FUBP3: variants seen among roughly 807,000 people sequenced by gnomAD.
FUBP3 encodes far upstream element binding protein 3.
In FUBP3, 28 loss-of-function variants were observed where a neutral mutation model predicts 85.6. That is an observed-to-expected ratio of 0.33 (90% CI 0.24 to 0.45). The LOEUF (loss-of-function observed/expected upper bound fraction) is 0.45, where lower values mean the gene tolerates loss of function less well. Among genes scored for constraint, FUBP3 ranks in the 20% least tolerant of loss-of-function variants. FUBP3 has a pLI of 1.00. For synonymous variants in FUBP3, 271 were observed against 271.4 expected, an observed-to-expected ratio of 1.00 and a Z score of 0.01; for missense variants, 583 against 755.1, an observed-to-expected ratio of 0.77 and a Z score of 2.67.
chr9:130,603,085 G>T (rs1398023224), intron 2 of FUBP3, among the ~76,000 whole-genome samples: 1 of 152,106 alleles, frequency 6.6e-6, no homozygotes, highest in Non-Finnish European at 1.5e-5. Flanking sequence ...GGTAGCTCAC[G>T]CCTGTAATCC....
chr9:130,589,695 ATATATATATATTTTTTTTTTT>A (rs1564190925), intron 1 of FUBP3, among the ~76,000 whole-genome samples: 2 of 29,952 alleles, frequency 6.7e-5, no homozygotes, highest in Non-Finnish European at 1.2e-4. Flanking sequence ...ATATATATAT[ATATATATATATTTTTTTTTTT>A]TTTTTTTTTT....
chr9:130,582,346 G>A (rs546465997), intron 1 of FUBP3, among the ~76,000 whole-genome samples: 25 of 152,146 alleles, frequency 1.6e-4, no homozygotes, highest in African/African-American at 4.8e-4. Context: ...CAGCTGTTTG[G>A]GAGGCTGAAG....
chr9:130,612,889 C>T lies in FUBP3; in HGVS notation c.275-67C>T, dbSNP rs1300902229. The T allele has an allele frequency of 4.7e-6, 5 of 1,054,004 alleles. No homozygotes were observed. The highest frequency in any genetic ancestry group is 7.4e-6 in the Non-Finnish European group (5 of 676,348). 65.3% of individuals were successfully genotyped at this position (1,054,004 alleles called of 1,614,324 possible). On this transcript the variant is annotated intron_variant, in intron 4 of 18. Coordinates refer to ENST00000319725, the MANE Select transcript of FUBP3 (RefSeq NM_003934.2). This position sits in a 1 kb window ranked among gnomAD's most constrained non-coding sequence, Gnocchi z 4.1. Reference sequence around the variant, plus strand: ...AGTGTCACAGTTTGTGGAATTAATTCAGTCATTCCTGCGTGGTGAAATATG... The same window carrying T: ...AGTGTCACAGTTTGTGGAATTAATTTAGTCATTCCTGCGTGGTGAAATATG...
chr9:130,595,564 C>A lies in FUBP3; in HGVS notation c.166C>A (p.Gln56Lys). ...VDPSVYGYGV[Q>K]KRPLDDGVGN... Reference sequence around the variant, plus strand: ...CCCCTCAGTATATGGATACGGAGTACAAAAACGGCCCTTGGATGATGGAGG... The same window carrying A: ...CCCCTCAGTATATGGATACGGAGTAAAAAAACGGCCCTTGGATGATGGAGG... Residue 56 changes from glutamine to lysine, a missense_variant, in exon 2 of 19, where the codon CAA becomes AAA. Physicochemically the swap from Gln to Lys is moderately conservative, Grantham distance 53. Around this residue, in one of 3 missense-constraint regions of FUBP3, gnomAD observed 177 missense variants for 221.9 expected, o/e 0.80. Transcript: ENST00000319725. 6.5e-7 allele frequency: 1 copy of A among 1,537,954 alleles called. No homozygotes were observed. The highest frequency in any genetic ancestry group is 9.0e-7 in the Non-Finnish European group (1 of 1,112,410).
At chr9:130,619,963 T>C (rs1309188001) in intron 8 of FUBP3, among the ~76,000 whole-genome samples, 1 of 152,222 alleles carries the variant, frequency 6.6e-6, no homozygotes, top group African/African-American at 2.4e-5. Flanking sequence ...TGGGCGCTCT[T>C]AGACACCCCT....
chr9:130,619,296 A>G (rs908969080), intron 8 of FUBP3, among the ~76,000 whole-genome samples: 6 of 146,378 alleles, frequency 4.1e-5, no homozygotes, highest in East Asian at 4.0e-4. Context: ...TTAAAACTGT[A>G]TATTTCATTT....
At chr9:130,631,666 C>T (rs1261925649) in intron 14 of FUBP3, 36 bp downstream of exon 14, 1 of 1,495,252 alleles carries the variant, frequency 6.7e-7, no homozygotes, top group Non-Finnish European at 9.3e-7. Context: ...TGGGAGAATT[C>T]ACTCGCTCCC....
intron 2 of FUBP3, among the ~76,000 whole-genome samples, chr9:130,606,596 G>A (rs951185205): frequency 9.9e-5 from 15 of 152,280 alleles, no homozygotes; most frequent in South Asian, 2.1e-4. Context: ...TAAAGTGGGC[G>A]GATCACCTGA....
intron 13 of FUBP3, chr9:130,631,016 G>A (rs963306667): frequency 4.8e-5 from 31 of 641,372 alleles, no homozygotes; most frequent in African/African-American, 2.6e-4. Flanking sequence ...CACCAAGGCC[G>A]CAGCAGCCGA....
At position 130,579,629 on chromosome 9, in the gene FUBP3, AGCGGCGGC is replaced by A; in HGVS notation, c.-50_-43del. 8.9e-7 allele frequency: 1 copy of A among 1,121,070 alleles called. No homozygotes were observed. Among genetic ancestry groups the A allele is most frequent in the Non-Finnish European group, 1.1e-6 (1 of 886,314 alleles). The allele number at this position is 1,121,070 out of a possible 1,614,324, so 69.4% of individuals were successfully genotyped here. ...AGCGGGAGGCCGGACCGGGGAGCCG[AGCGGCGGC>A]GTCGGCGGCGTCGGCGGCGGCGGCG... On this transcript the variant is annotated 5_prime_UTR_variant, in exon 1 of 19. Transcript: ENST00000319725.
rs960395132 is a variant in FUBP3, at chr9:130,616,912, G to A, written c.567+395G>A. Among the ~76,000 whole-genome samples, 1 of 152,198 alleles carries A rather than the reference G, an allele frequency of 6.6e-6. No individual in the cohort carries two copies. Among genetic ancestry groups the A allele is most frequent in the African/African-American group, 2.4e-5 (1 of 41,452 alleles). ...AAATGTGCTCATTTACTTTTTGAAG[G>A]TTCAGGGTCTTTGTGTGTCAAAAGG... On this transcript the variant is annotated intron_variant, in intron 7 of 18. Transcript: ENST00000319725. This position sits in a 1 kb window ranked among gnomAD's most constrained non-coding sequence, Gnocchi z 4.7.
At chr9:130,614,712 A>T (rs1831913831) in intron 6 of FUBP3, among the ~76,000 whole-genome samples, 3 of 152,292 alleles carry the variant, frequency 2.0e-5, no homozygotes, top group Middle Eastern at 3.4e-3. Context: ...GCTACTGAGA[A>T]TCCTGGTACC....
chr9:130,585,043 C>G (rs1365348931), intron 1 of FUBP3, among the ~76,000 whole-genome samples: 2 of 152,044 alleles, frequency 1.3e-5, no homozygotes, highest in African/African-American at 4.8e-5. Flanking sequence ...ACCTGTAATC[C>G]CAGCTACTCG....
intron 2 of FUBP3, among the ~76,000 whole-genome samples, chr9:130,602,624 G>T (rs1249488112): frequency 6.6e-6 from 1 of 152,258 alleles, no homozygotes; most frequent in East Asian, 1.9e-4. Context: ...TCCCTGAATG[G>T]GGGATGATGA....
chr9:130,631,278 C>T (rs1044013446), intron 13 of FUBP3: 22 of 1,341,648 alleles, frequency 1.6e-5, no homozygotes, highest in East Asian at 2.9e-5. Context: ...CCTAAGTTGA[C>T]GGGAGAGTCA....
chr9:130,624,830 G>A (rs1829905092), intron 11 of FUBP3, among the ~76,000 whole-genome samples: 3 of 152,090 alleles, frequency 2.0e-5, no homozygotes, highest in East Asian at 3.9e-4. Context: ...GCTCACTCTT[G>A]TACCCAGCAT....
chr9:130,632,621 C>T (rs1261762760), intron 16 of FUBP3, among the ~76,000 whole-genome samples: 1 of 152,232 alleles, frequency 6.6e-6, no homozygotes, highest in Non-Finnish European at 1.5e-5. Flanking sequence ...TGCTCCTCCT[C>T]TTCTCCACCC....
intron 10 of FUBP3, among the ~76,000 whole-genome samples, chr9:130,623,395 A>C (rs1647845745): frequency 6.6e-6 from 1 of 152,202 alleles, no homozygotes; most frequent in African/African-American, 2.4e-5. Flanking sequence ...CTATAATTGC[A>C]TAAGAATTGA....
At chr9:130,592,695 C>A (rs750270971) in intron 1 of FUBP3, among the ~76,000 whole-genome samples, 3 of 152,010 alleles carry the variant, frequency 2.0e-5, no homozygotes, top group Non-Finnish European at 4.4e-5. Flanking sequence ...AGGAATGCAC[C>A]ACCACGCACA....
Sources: allele counts gnomAD v4.1 joint callset (sites outside exome capture counted in the v4.1 genomes callset), GRCh38; gene constraint gnomAD v4.1.1; regional missense constraint gnomAD v4.1.1; non-coding constraint Gnocchi (gnomAD v3.1); transcripts MANE v1.5; gene names NCBI Gene and HGNC (gene_info 2026-07-23, HGNC 2026-07-21).